FBXO4: variants seen among roughly 807,000 people sequenced by gnomAD.
The protein encoded by FBXO4 is F-box only protein 4.
A neutral mutation model predicts 43.7 loss-of-function variants in FBXO4; 36 were observed. That is an observed-to-expected ratio of 0.82 (90% CI 0.63 to 1.09). The LOEUF is 1.09. Ranked by LOEUF, FBXO4 falls within the 50% of genes least tolerant of loss-of-function variation. The pLI is 0.00. For missense variants in FBXO4, 435 were observed against 474.1 expected, an observed-to-expected ratio of 0.92 and a Z score of 0.77; for synonymous variants, 180 against 165.6, an observed-to-expected ratio of 1.09 and a Z score of -0.67.
the FBXO4 span, among the ~76,000 whole-genome samples, chr5:41,973,578 G>C: frequency 6.6e-6 from 1 of 152,146 alleles, no homozygotes; most frequent in Non-Finnish European, 1.5e-5. Context: ...CTACTCAGGA[G>C]GCTGAGTGGG....
At chr5:41,936,140 T>C (rs903899119) in intron 5 of FBXO4, among the ~76,000 whole-genome samples, 2 of 152,212 alleles carry the variant, frequency 1.3e-5, no homozygotes, top group Non-Finnish European at 2.9e-5. Context: ...CTAAAAATTA[T>C]GAGACACTCA....
the FBXO4 span, among the ~76,000 whole-genome samples, chr5:42,018,970 C>T: frequency 1.3e-5 from 2 of 152,086 alleles, no homozygotes; most frequent in Non-Finnish European, 2.9e-5. Flanking sequence ...GTGAACAGAG[C>T]GAAGGGAACA....
chr5:41,939,834 A>ATT (rs60238550), intron 6 of FBXO4, among the ~76,000 whole-genome samples: 834 of 79,376 alleles, frequency 0.011, 52 homozygotes, highest in Non-Finnish European at 0.013. Context: ...ACAATTGGGG[A>ATT]TTTTTTTTTT....
At chr5:42,038,857 A>G in the FBXO4 span, among the ~76,000 whole-genome samples, 1 of 152,076 alleles carries the variant, frequency 6.6e-6, no homozygotes, top group African/African-American at 2.4e-5. Flanking sequence ...AAGTGAGAAC[A>G]TGCAATATTT....
chr5:41,967,115 G>T, the FBXO4 span: 1 of 302,724 alleles, frequency 3.3e-6, no homozygotes, highest in Admixed American at 4.1e-5. Flanking sequence ...AAGTGCTTTT[G>T]GTGATATAGA....
the FBXO4 span, among the ~76,000 whole-genome samples, chr5:42,026,587 C>G: frequency 6.6e-6 from 1 of 151,824 alleles, no homozygotes; most frequent in South Asian, 2.1e-4. Flanking sequence ...GCTAGGACTT[C>G]CTGTACTATG....
chr5:41,981,897 C>A, the FBXO4 span, among the ~76,000 whole-genome samples: 1 of 137,500 alleles, frequency 7.3e-6, no homozygotes, highest in Admixed American at 7.4e-5. Context: ...TATCCCTCCC[C>A]CCTCCCCTCA....
At chr5:41,973,895 T>C in the FBXO4 span, among the ~76,000 whole-genome samples, 3 of 152,210 alleles carry the variant, frequency 2.0e-5, no homozygotes, top group Non-Finnish European at 2.9e-5. Flanking sequence ...AAATTTTCTT[T>C]AACATTTATA....
chr5:41,933,849 T>C (rs1561170066), intron 3 of FBXO4, 97 bp from the exon 4 acceptor site: 4 of 897,148 alleles, frequency 4.5e-6, no homozygotes, highest in Non-Finnish European at 5.2e-6. Context: ...ATAGAATTTT[T>C]TCTTTACTCT....
At chr5:42,014,293 T>G in the FBXO4 span, among the ~76,000 whole-genome samples, 2 of 152,212 alleles carry the variant, frequency 1.3e-5, no homozygotes, top group African/African-American at 4.8e-5. Context: ...TATCTACTTT[T>G]GTGTGAATAT....
chr5:41,956,838 A>G, the FBXO4 span, among the ~76,000 whole-genome samples: 2 of 150,954 alleles, frequency 1.3e-5, no homozygotes, highest in Admixed American at 6.6e-5. Context: ...TCAGCCTCCC[A>G]AGTAGCTGGG....
At chr5:41,990,528 G>A in the FBXO4 span, among the ~76,000 whole-genome samples, 1 of 152,146 alleles carries the variant, frequency 6.6e-6, no homozygotes, top group Non-Finnish European at 1.5e-5. Flanking sequence ...TAATGTTTGA[G>A]CTAAGATCTA....
intron 5 of FBXO4, chr5:41,934,628 G>T: frequency 8.5e-7 from 1 of 1,173,852 alleles, no homozygotes; most frequent in Non-Finnish European, 1.1e-6. Flanking sequence ...TTTGGTACTA[G>T]AGCTATACAA....
At chr5:42,040,165 G>C in the FBXO4 span, among the ~76,000 whole-genome samples, 1 of 151,992 alleles carries the variant, frequency 6.6e-6, no homozygotes, top group Non-Finnish European at 1.5e-5. Context: ...TTTGCAAGAT[G>C]TATCCCATCT....
chr5:41,940,624 G>T (rs1751981911), intron 6 of FBXO4, among the ~76,000 whole-genome samples: 2 of 152,194 alleles, frequency 1.3e-5, no homozygotes, highest in Non-Finnish European at 2.9e-5. Context: ...TAACCCCTGA[G>T]TAAAACAGAT....
chr5:42,032,619 T>C, the FBXO4 span, among the ~76,000 whole-genome samples: 1 of 152,124 alleles, frequency 6.6e-6, no homozygotes, highest in East Asian at 1.9e-4. Context: ...AGACTCACGC[T>C]TCAGGACAGT....
the FBXO4 span, among the ~76,000 whole-genome samples, chr5:42,010,921 G>A: frequency 6.6e-6 from 1 of 151,966 alleles, no homozygotes; most frequent in East Asian, 1.9e-4. Flanking sequence ...TACATGTGCA[G>A]AACCTGCAGG....
chr5:41,952,311 A>G, the FBXO4 span: 1 of 152,208 alleles, frequency 6.6e-6, no homozygotes, highest in South Asian at 2.1e-4. Context: ...TAATAAAGAT[A>G]GGAGAATTCA....
the FBXO4 span, among the ~76,000 whole-genome samples, chr5:41,983,733 T>G: frequency 6.6e-6 from 1 of 152,140 alleles, no homozygotes; most frequent in Non-Finnish European, 1.5e-5. Context: ...TATTTCTCTT[T>G]GATTCTTTTG....
Sources: gnomAD v4.1 joint callset for allele counts (sites outside exome capture counted in the v4.1 genomes callset) on GRCh38, gnomAD v4.1.1 for gene constraint, MANE v1.5 for transcripts, NCBI Gene and HGNC (gene_info 2026-07-23, HGNC 2026-07-21) for gene names.